The following PACRG variants were observed in gnomAD, a reference collection of about 807,000 sequenced individuals.
PACRG encodes parkin coregulated.
PACRG carries 29 observed loss-of-function variants against 29.7 expected under a neutral mutation model. The observed-to-expected ratio is 0.98, with a 90% CI of 0.73 to 1.33. The LOEUF is 1.33. Among genes scored for constraint, PACRG ranks in the 40% most tolerant of loss-of-function variants. The probability of loss-of-function intolerance (pLI) is 0.00; values close to 1 mark genes in which losing one functional copy is unlikely to be tolerated. For missense variants in PACRG, 279 were observed against 316.2 expected, an observed-to-expected ratio of 0.88 and a Z score of 0.89; for synonymous variants, 116 against 118.7, an observed-to-expected ratio of 0.98 and a Z score of 0.15.
intron 4 of PACRG, among the ~76,000 whole-genome samples, chr6:163,126,145 T>TG (rs1385736632): frequency 6.6e-6 from 1 of 152,220 alleles, no homozygotes; most frequent in East Asian, 1.9e-4. Context: ...GATGATTCTT[T>TG]GGGGGTCAGG....
At chr6:163,165,865 G>A (rs1013799342) in intron 4 of PACRG, 2 of 349,120 alleles carry the variant, frequency 5.7e-6, no homozygotes, top group Non-Finnish European at 1.1e-5. Context: ...ATGAGAATGG[G>A]GCGACAGGGG....
chr6:163,240,159 C>T (rs893984114), intron 4 of PACRG, among the ~76,000 whole-genome samples: 14 of 152,106 alleles, frequency 9.2e-5, no homozygotes, highest in South Asian at 8.3e-4. Context: ...ACGGTGGTGG[C>T]TCCCCGGGGC....
intron 2 of PACRG, chr6:163,060,842 G>A (rs1453911239): frequency 6.6e-6 from 1 of 152,122 alleles, no homozygotes; most frequent in Non-Finnish European, 1.5e-5. Flanking sequence ...TGCTGAGAGA[G>A]AGCTGGAAGG....
intron 4 of PACRG, among the ~76,000 whole-genome samples, chr6:163,198,351 TC>T (rs1780561436): frequency 6.6e-6 from 1 of 152,220 alleles, no homozygotes; most frequent in Non-Finnish European, 1.5e-5. Flanking sequence ...AAAAACACCA[TC>T]AAATACCTAG....
At chr6:162,778,581 A>G (rs1783835567) in intron 1 of PACRG, among the ~76,000 whole-genome samples, 1 of 152,202 alleles carries the variant, frequency 6.6e-6, no homozygotes, top group African/African-American at 2.4e-5. Flanking sequence ...TACTCACTCA[A>G]GTTTAAAATA....
At chr6:162,923,538 T>A (rs183793837) in intron 2 of PACRG, among the ~76,000 whole-genome samples, 7 of 152,308 alleles carry the variant, frequency 4.6e-5, no homozygotes, top group African/African-American at 1.7e-4. Context: ...TTGTATGTGG[T>A]GAGAGATAGG....
chr6:163,054,544 G>A (rs562695255), intron 2 of PACRG, among the ~76,000 whole-genome samples: 21 of 152,312 alleles, frequency 1.4e-4, no homozygotes, highest in Admixed American at 1.3e-3. Context: ...AACTGCTGCG[G>A]GACTTTTCCT....
chr6:163,188,571 C>T (rs540994957), intron 4 of PACRG, among the ~76,000 whole-genome samples: 2 of 152,144 alleles, frequency 1.3e-5, no homozygotes, highest in Non-Finnish European at 2.9e-5. Flanking sequence ...GGGTTTGGTC[C>T]GTGAGTGAGA....
intron 4 of PACRG, among the ~76,000 whole-genome samples, chr6:163,244,249 A>G (rs1782611370): frequency 6.6e-6 from 1 of 152,132 alleles, no homozygotes; most frequent in South Asian, 2.1e-4. Context: ...AGCTTTCTTA[A>G]GTCTCTTTCT....
intron 2 of PACRG, among the ~76,000 whole-genome samples, chr6:163,025,534 G>A (rs973848118): frequency 2.0e-5 from 3 of 152,156 alleles, no homozygotes; most frequent in Non-Finnish European, 2.9e-5. Context: ...AACAAACGAG[G>A]TGGGCCATTC....
intron 4 of PACRG, among the ~76,000 whole-genome samples, chr6:163,126,388 G>A (rs1816515037): frequency 6.6e-6 from 1 of 152,112 alleles, no homozygotes; most frequent in African/African-American, 2.4e-5. Flanking sequence ...CCCTAGATGA[G>A]CCTTCCCACT....
At position 162,728,091 on chromosome 6, in the gene PACRG, TG is replaced by T; in HGVS notation, c.-143del. 1 of 999,834 alleles carries T rather than the reference TG, an allele frequency of 1.0e-6. No individual in the cohort carries two copies. Among genetic ancestry groups the T allele is most frequent in the Non-Finnish European group, 1.5e-6 (1 of 676,240 alleles). 61.9% of individuals were successfully genotyped at this position (999,834 alleles called of 1,614,324 possible). A position where few individuals can be genotyped will look rare whatever the true frequency, so the allele number is the denominator to read the frequency against. Reference sequence around the variant, plus strand: ...CTTCACCTAGGAGCTGCCAAACATCTGGATCAACCTGGGCACTACGAGGGGT... The same window carrying T: ...CTTCACCTAGGAGCTGCCAAACATCTGATCAACCTGGGCACTACGAGGGGT... On this transcript the variant is annotated 5_prime_UTR_variant, in exon 1 of 5. Transcript: ENST00000366888.
At chr6:163,182,429 A>G (rs906024397) in intron 4 of PACRG, among the ~76,000 whole-genome samples, 1 of 152,214 alleles carries the variant, frequency 6.6e-6, no homozygotes, top group Non-Finnish European at 1.5e-5. Flanking sequence ...CAAGATATAG[A>G]TGAGACTCAT....
intron 2 of PACRG, among the ~76,000 whole-genome samples, chr6:162,954,704 T>G (rs1020432770): frequency 6.6e-6 from 1 of 152,154 alleles, no homozygotes; most frequent in Non-Finnish European, 1.5e-5. Flanking sequence ...GAAACTGTAC[T>G]GATGAATGAA....
intron 4 of PACRG, among the ~76,000 whole-genome samples, chr6:163,139,891 T>G (rs1432863111): frequency 6.6e-6 from 1 of 152,216 alleles, no homozygotes; most frequent in Non-Finnish European, 1.5e-5. Flanking sequence ...CTCAACTGAA[T>G]GTTCTTGCTT....
At chr6:162,827,093 A>G (rs980801437) in intron 2 of PACRG, among the ~76,000 whole-genome samples, 2 of 152,196 alleles carry the variant, frequency 1.3e-5, no homozygotes. Context: ...AGTAATTTAT[A>G]TATGCACAAA....
intron 2 of PACRG, among the ~76,000 whole-genome samples, chr6:163,038,642 A>G (rs1808417982): frequency 1.3e-5 from 2 of 152,330 alleles, no homozygotes; most frequent in African/African-American, 2.4e-5. Flanking sequence ...ATGAAATGTT[A>G]TAGAGCAAAA....
At chr6:162,959,646 C>T (rs1457853657) in intron 2 of PACRG, among the ~76,000 whole-genome samples, 2 of 152,084 alleles carry the variant, frequency 1.3e-5, no homozygotes, top group Non-Finnish European at 2.9e-5. Context: ...TGAAGGATCC[C>T]TTGGGCTCCT....
intron 1 of PACRG, among the ~76,000 whole-genome samples, chr6:162,793,622 A>G (rs1785133606): frequency 6.6e-6 from 1 of 152,224 alleles, no homozygotes; most frequent in Non-Finnish European, 1.5e-5. Flanking sequence ...AGCAGGCATC[A>G]TTAGTATAAA....
Sources: allele counts gnomAD v4.1 joint callset (sites outside exome capture counted in the v4.1 genomes callset), GRCh38; gene constraint gnomAD v4.1.1; transcripts MANE v1.5; gene names NCBI Gene and HGNC (gene_info 2026-07-23, HGNC 2026-07-21).